Variants in TMEM117 observed in about 807,000 individuals in gnomAD.
The protein encoded by TMEM117 is transmembrane protein 117.
A neutral mutation model predicts 52.4 loss-of-function variants in TMEM117; 27 were observed. The ratio of observed to expected loss-of-function variants is 0.51; its 90% CI spans 0.38 to 0.71. The LOEUF (loss-of-function observed/expected upper bound fraction) is 0.71. Ranked by LOEUF, TMEM117 falls within the 30% of genes least tolerant of loss-of-function variation. TMEM117 has a pLI of 0.00. For missense variants in TMEM117, 556 were observed against 630.5 expected (o/e 0.88, Z 1.26); for synonymous variants, 215 against 206.3 (o/e 1.04, Z -0.36).
At chr12:44,086,989 TAATA>T (rs1947581200) in intron 3 of TMEM117, among the ~76,000 whole-genome samples, 1 of 147,550 alleles carries the variant, frequency 6.8e-6, no homozygotes, top group South Asian at 2.1e-4. Flanking sequence ...AATATATAAT[TAATA>T]ATTATAAATT....
chr12:43,862,881 C>T (rs371742236), intron 2 of TMEM117, among the ~76,000 whole-genome samples: 21 of 152,196 alleles, frequency 1.4e-4, no homozygotes, highest in Admixed American at 1.2e-3. Flanking sequence ...ACAGGAGAAT[C>T]GCTTGAACCT....
intron 5 of TMEM117, among the ~76,000 whole-genome samples, chr12:44,280,710 T>A (rs1592662167): frequency 6.6e-6 from 1 of 152,320 alleles, no homozygotes; most frequent in East Asian, 1.9e-4. Context: ...AAATGTTTCC[T>A]GAATTCTCTG....
At chr12:43,973,129 TC>T (rs1945617837) in intron 3 of TMEM117, among the ~76,000 whole-genome samples, 1 of 152,156 alleles carries the variant, frequency 6.6e-6, no homozygotes, top group African/African-American at 2.4e-5. Context: ...TGCTTTTAAT[TC>T]CTAGGGTTTC....
chr12:43,812,849 A>C, the TMEM117 span, among the ~76,000 whole-genome samples: 1 of 130,924 alleles, frequency 7.6e-6, no homozygotes, highest in African/African-American at 2.7e-5. Context: ...CCCCATCTCT[A>C]CAAAAAGTAC....
Position 44,069,872 on chromosome 12 carries a change from T to TTTGTTG in TMEM117, c.411-73638_411-73633dup, listed in dbSNP as rs539075054. ...TGATGAAATCAGGGATTCAGGCTCT[T>TTTGTTG]TTGTTGTTGTTGTTGTTGTTTTCTG... On this transcript the variant is annotated intron_variant, in intron 3 of 7. Transcript: ENST00000266534. Among the ~76,000 whole-genome samples, 355 of 152,182 alleles carry TTTGTTG rather than the reference T, an allele frequency of 2.3e-3. 8 individuals are homozygous for TTTGTTG. In the East Asian group the frequency reaches 0.044, roughly 19 times the overall value.
intron 2 of TMEM117, among the ~76,000 whole-genome samples, chr12:43,864,027 T>C (rs1943536955): frequency 6.6e-6 from 1 of 152,128 alleles, no homozygotes; most frequent in South Asian, 2.1e-4. Context: ...GTGAGGGGCT[T>C]AGCACCCGGG....
intron 6 of TMEM117, among the ~76,000 whole-genome samples, chr12:44,336,496 A>G (rs966894600): frequency 1.3e-5 from 2 of 152,018 alleles, no homozygotes; most frequent in Non-Finnish European, 2.9e-5. Flanking sequence ...CCTTTACTAT[A>G]GAAGTGTCAG....
At chr12:44,152,596 C>G (rs1592562539) in intron 4 of TMEM117, among the ~76,000 whole-genome samples, 1 of 114,704 alleles carries the variant, frequency 8.7e-6, no homozygotes, top group South Asian at 2.7e-4. Flanking sequence ...ATATTTATAT[C>G]ATATATAAAT....
intron 4 of TMEM117, among the ~76,000 whole-genome samples, chr12:44,195,872 A>G (rs1350266471): frequency 6.6e-6 from 1 of 150,976 alleles, no homozygotes; most frequent in Non-Finnish European, 1.5e-5. Flanking sequence ...TGTGCAACAT[A>G]GCAAGACCCT....
chr12:44,342,899 C>CAA (rs1951436167), intron 6 of TMEM117, among the ~76,000 whole-genome samples: 3 of 152,038 alleles, frequency 2.0e-5, no homozygotes, highest in Admixed American at 6.6e-5. Flanking sequence ...CAGTCTCACT[C>CAA]TGTTGCCCAG....
intron 5 of TMEM117, among the ~76,000 whole-genome samples, chr12:44,277,264 T>C (rs1950525761): frequency 6.6e-6 from 1 of 152,192 alleles, no homozygotes; most frequent in African/African-American, 2.4e-5. Context: ...ATCTTAATTA[T>C]AGCTGTCAAG....
intron 2 of TMEM117, among the ~76,000 whole-genome samples, chr12:43,846,650 T>TA (rs1943214002): frequency 1.3e-5 from 2 of 152,152 alleles, no homozygotes; most frequent in Admixed American, 6.5e-5. Flanking sequence ...ACTAAACAAA[T>TA]AAATGTATAC....
chr12:44,042,934 C>G (rs1946825639), intron 3 of TMEM117, among the ~76,000 whole-genome samples: 1 of 152,062 alleles, frequency 6.6e-6, no homozygotes, highest in South Asian at 2.1e-4. Context: ...GAGTTGGCTT[C>G]TTAATATGAT....
chr12:43,957,072 A>G (rs552163977), intron 3 of TMEM117, among the ~76,000 whole-genome samples: 1 of 152,198 alleles, frequency 6.6e-6, no homozygotes, highest in Non-Finnish European at 1.5e-5. Flanking sequence ...CAAACATTGC[A>G]TATTCTCACT....
chr12:43,806,166 C>A, the TMEM117 span: 1 of 1,535,826 alleles, frequency 6.5e-7, no homozygotes, highest in Non-Finnish European at 8.7e-7. Context: ...GCCCTCCCGG[C>A]TCTCCCGGCT....
Position 44,388,218 on chromosome 12 carries a change from A to G in TMEM117, c.1091A>G (p.Asn364Ser). The change falls in exon 8 of 8, where the codon AAT becomes AGT. Residue 364 changes from asparagine to serine, a missense_variant. By Grantham distance (46) the Asn-to-Ser change is conservative (BLOSUM62 1). This residue lies in a region of TMEM117 where 206 missense variants were observed against 211.1 expected (regional missense o/e 0.98). Coordinates refer to ENST00000266534, the MANE Select transcript of TMEM117 (RefSeq NM_032256.3). Reference sequence around the variant, plus strand: ...AAGCTATCCTGGGAATGGAGGTCCAATCACACTAACCCTCGGACTAATAAA... The same window carrying G: ...AAGCTATCCTGGGAATGGAGGTCCAGTCACACTAACCCTCGGACTAATAAA... ...RTKLSWEWRS[N>S]HTNPRTNKTY... is the part of the protein sequence containing the mutation. The G allele has an allele frequency of 6.2e-7, 1 of 1,613,556 alleles. No individual in the cohort carries two copies. Among genetic ancestry groups the G allele is most frequent in the Non-Finnish European group, 8.5e-7 (1 of 1,179,660 alleles).
the TMEM117 span, among the ~76,000 whole-genome samples, chr12:43,817,434 T>C: frequency 6.6e-6 from 1 of 152,222 alleles, no homozygotes; most frequent in African/African-American, 2.4e-5. Flanking sequence ...GAGTCCTGAA[T>C]TGACAAAAGC....
chr12:44,213,506 T>C (rs758513456), intron 5 of TMEM117, among the ~76,000 whole-genome samples: 7 of 152,246 alleles, frequency 4.6e-5, no homozygotes, highest in Admixed American at 3.9e-4. Context: ...TTATTTACTA[T>C]GTTTACACAT....
intron 5 of TMEM117, among the ~76,000 whole-genome samples, chr12:44,275,549 T>C (rs757607837): frequency 6.6e-6 from 1 of 152,082 alleles, no homozygotes; most frequent in East Asian, 1.9e-4. Context: ...GCAATGTAAG[T>C]GTTCATCAAC....
Sources: allele counts gnomAD v4.1 joint callset (sites outside exome capture counted in the v4.1 genomes callset), GRCh38; gene constraint gnomAD v4.1.1; regional missense constraint gnomAD v4.1.1; transcripts MANE v1.5; gene names NCBI Gene and HGNC (gene_info 2026-07-23, HGNC 2026-07-21).